SLC30A7: variants seen among roughly 807,000 people sequenced by gnomAD.
SLC30A7 encodes zinc transporter 7.
A neutral mutation model predicts 46.0 loss-of-function variants in SLC30A7; 35 were observed. The observed-to-expected ratio is 0.76, with a 90% CI of 0.58 to 1.01. The LOEUF (loss-of-function observed/expected upper bound fraction) is 1.01. SLC30A7 is among the 50% of genes least tolerant of loss of function. The pLI is 0.00. For missense variants in SLC30A7, 464 were observed against 451.1 expected, an observed-to-expected ratio of 1.03 and a Z score of -0.26; for synonymous variants, 147 against 157.8, an observed-to-expected ratio of 0.93 and a Z score of 0.51.
chr1:100,908,469 G>A lies in SLC30A7; in HGVS notation c.296+1504G>A, dbSNP rs537422050. Among the ~76,000 whole-genome samples, 7 of 152,320 alleles carry A rather than the reference G, an allele frequency of 4.6e-5. No homozygotes were observed. In the South Asian group the frequency reaches 1.4e-3, roughly 32 times the overall value. ...TTGTGACAGTTGCCAAAAAGGAGAT[G>A]TGGAGTTCTGTGGCAGAACTTGCTG... On this transcript the variant is annotated intron_variant, in intron 3 of 10. Transcript: ENST00000357650.
At position 100,977,274 on chromosome 1, in the gene SLC30A7, A is replaced by G. The variant is rs945258466; in HGVS notation, c.*2417A>G. ...TTTTATTTGACTGTACTATCAGTAC[A>G]CAAATGCATGAGTATGTTTATACAG... On this transcript the variant is annotated 3_prime_UTR_variant, in exon 11 of 11. Coordinates refer to ENST00000357650, the MANE Select transcript of SLC30A7 (RefSeq NM_133496.5). The G allele has an allele frequency of 6.6e-6, 1 of 152,226 alleles. No individual in the cohort carries two copies. Among genetic ancestry groups the G allele is most frequent in the East Asian group, 1.9e-4 (1 of 5,204 alleles). The allele number at this position is 152,226 out of a possible 1,614,324, so 9.4% of individuals were successfully genotyped here. A position where few individuals can be genotyped will look rare whatever the true frequency, so the allele number is the denominator to read the frequency against.
At chr1:100,927,639 A>T (rs1439829459) in intron 8 of SLC30A7, among the ~76,000 whole-genome samples, 1 of 152,196 alleles carries the variant, frequency 6.6e-6, no homozygotes. Flanking sequence ...GTTTTTCTTC[A>T]GTCTTGTTCA....
In SLC30A7 at chr1:100,896,136, C is replaced by G; in HGVS notation, c.-127C>G. ...TGTGTGTCTGTGTCTGTCTGTGTCTCGCAGCGGCGCGCGGCCCCGGACAAG... is the reference window on the plus strand; with the variant it reads ...TGTGTGTCTGTGTCTGTCTGTGTCTGGCAGCGGCGCGCGGCCCCGGACAAG... On this transcript the variant is annotated 5_prime_UTR_variant, in exon 1 of 11. Coordinates refer to ENST00000357650, the MANE Select transcript of SLC30A7 (RefSeq NM_133496.5). The G allele has an allele frequency of 2.5e-6, 2 of 789,634 alleles. No homozygotes were observed. Among genetic ancestry groups the G allele is most frequent in the Admixed American group, 4.1e-5 (2 of 48,650 alleles). 48.9% of individuals were successfully genotyped at this position (789,634 alleles called of 1,614,324 possible). A position where few individuals can be genotyped will look rare whatever the true frequency, so the allele number is the denominator to read the frequency against.
intron 8 of SLC30A7, among the ~76,000 whole-genome samples, chr1:100,933,570 C>G (rs1333559409): frequency 6.6e-6 from 1 of 152,126 alleles, no homozygotes; most frequent in Non-Finnish European, 1.5e-5. Flanking sequence ...TCCCCACTCC[C>G]CCCACTCTAC....
intron 8 of SLC30A7, among the ~76,000 whole-genome samples, chr1:100,960,304 T>C (rs17123542): frequency 0.041 from 6,300 of 152,292 alleles, 178 homozygotes; most frequent in East Asian, 0.077. Flanking sequence ...TTCTTATCAC[T>C]ATGCACTTAA....
At chr1:100,909,247 A>G (rs1445355354) in intron 3 of SLC30A7, among the ~76,000 whole-genome samples, 1 of 152,166 alleles carries the variant, frequency 6.6e-6, no homozygotes, top group Non-Finnish European at 1.5e-5. Context: ...ACCCCAATTC[A>G]GGATGACTGC....
intron 10 of SLC30A7, among the ~76,000 whole-genome samples, chr1:100,968,800 G>C (rs981819149): frequency 6.6e-6 from 1 of 152,156 alleles, no homozygotes; most frequent in African/African-American, 2.4e-5. Flanking sequence ...CAGCTGTCAT[G>C]ATTTTGCATT....
chr1:100,902,525 G>A (rs1651371449), intron 2 of SLC30A7, among the ~76,000 whole-genome samples: 1 of 152,120 alleles, frequency 6.6e-6, no homozygotes, highest in African/African-American at 2.4e-5. Context: ...CACAAACTAG[G>A]TGGCTTAAAC....
At chr1:100,951,850 T>C (rs1570574791) in intron 8 of SLC30A7, among the ~76,000 whole-genome samples, 1 of 152,204 alleles carries the variant, frequency 6.6e-6, no homozygotes, top group African/African-American at 2.4e-5. Flanking sequence ...ATATATTACC[T>C]TACTTCACAA....
chr1:100,993,907 A>AT, the SLC30A7 span, among the ~76,000 whole-genome samples: 3 of 151,142 alleles, frequency 2.0e-5, no homozygotes, highest in Non-Finnish European at 4.4e-5. Flanking sequence ...TGCCTGGCTA[A>AT]TTTTTTTTGT....
intron 10 of SLC30A7, among the ~76,000 whole-genome samples, chr1:100,966,275 A>G (rs1379940505): frequency 6.6e-6 from 1 of 151,390 alleles, no homozygotes; most frequent in Non-Finnish European, 1.5e-5. Context: ...CTACTGAACT[A>G]TAAGGTAAGC....
At chr1:100,931,577 A>G (rs56402739) in intron 8 of SLC30A7, among the ~76,000 whole-genome samples, 42,456 of 151,988 alleles carry the variant, frequency 0.28, 6,078 homozygotes, top group Middle Eastern at 0.36. Flanking sequence ...AGTTACCAGA[A>G]TTTAGTACCA....
At chr1:100,992,746 G>A in the SLC30A7 span, 1 of 1,601,048 alleles carries the variant, frequency 6.2e-7, no homozygotes, top group Admixed American at 1.7e-5. Flanking sequence ...TTCCCCTATA[G>A]GCAGAAAACT....
intron 3 of SLC30A7, among the ~76,000 whole-genome samples, chr1:100,909,043 A>ATG (rs72292631): frequency 0.096 from 14,275 of 148,192 alleles, 706 homozygotes; most frequent in South Asian, 0.23. Context: ...TCCTCTCTTT[A>ATG]TGTGTGTGTG....
At chr1:100,950,445 G>A (rs768907344) in intron 8 of SLC30A7, among the ~76,000 whole-genome samples, 1 of 152,170 alleles carries the variant, frequency 6.6e-6, no homozygotes, top group Non-Finnish European at 1.5e-5. Flanking sequence ...AACTTTGGAA[G>A]TCAGCATGGA....
Position 100,979,260 on chromosome 1 carries a change from A to C in SLC30A7, c.*4403A>C, listed in dbSNP as rs555255414. ...CCTTTCATCACCGTCTTTGAAACAA[A>C]TTATTTTCCAATTCATAAGAACTTT... On this transcript the variant is annotated 3_prime_UTR_variant, in exon 11 of 11. Coordinates refer to ENST00000357650, the MANE Select transcript of SLC30A7 (RefSeq NM_133496.5). The C allele has an allele frequency of 6.6e-6, 1 of 152,028 alleles. No individual in the cohort carries two copies. The highest frequency in any genetic ancestry group is 2.1e-4 in the South Asian group (1 of 4,828). 9.4% of individuals were successfully genotyped at this position (152,028 alleles called of 1,614,324 possible).
intron 2 of SLC30A7, among the ~76,000 whole-genome samples, chr1:100,902,699 G>A (rs1651384530): frequency 6.6e-6 from 1 of 152,158 alleles, no homozygotes; most frequent in South Asian, 2.1e-4. Context: ...GCTTGTAGGA[G>A]CATCACCTGA....
At chr1:100,967,701 C>G (rs923137566) in intron 10 of SLC30A7, among the ~76,000 whole-genome samples, 1 of 152,118 alleles carries the variant, frequency 6.6e-6, no homozygotes, top group Non-Finnish European at 1.5e-5. Context: ...CTCCACAAGG[C>G]TGTTAACTTG....
chr1:100,910,931 A>G (rs1652045890), intron 3 of SLC30A7, 132 bp from the exon 4 acceptor site: 2 of 644,792 alleles, frequency 3.1e-6, no homozygotes, highest in African/African-American at 3.7e-5. Flanking sequence ...GCACTGTACT[A>G]TAAACACTAG....
Sources: gnomAD v4.1 joint callset for allele counts (sites outside exome capture counted in the v4.1 genomes callset) on GRCh38, gnomAD v4.1.1 for gene constraint, MANE v1.5 for transcripts, NCBI Gene and HGNC (gene_info 2026-07-23, HGNC 2026-07-21) for gene names.